Variants in NUSAP1 observed in about 807,000 individuals in gnomAD.
The protein encoded by NUSAP1 is nucleolar and spindle-associated protein 1.
Under a neutral mutation model 52.8 loss-of-function variants are expected in NUSAP1, and 32 were observed. That is an observed-to-expected ratio of 0.61 (90% CI 0.46 to 0.81). The LOEUF (loss-of-function observed/expected upper bound fraction) is 0.81. Ranked by LOEUF, NUSAP1 falls within the 40% of genes least tolerant of loss-of-function variation. NUSAP1 has a pLI of 0.00. For missense variants in NUSAP1, 499 were observed against 522.3 expected (o/e 0.96, Z 0.43); for synonymous variants, 195 against 183.1 (o/e 1.06, Z -0.52).
chr15:41,349,353 G>A (rs930292891), intron 3 of NUSAP1, 112 bp downstream of exon 3: 17 of 1,108,788 alleles, frequency 1.5e-5, no homozygotes, highest in East Asian at 7.6e-5. Flanking sequence ...TAAGGTTACT[G>A]TGTGCTGTAA....
chr15:41,380,255 T>G lies in NUSAP1; in HGVS notation c.*69T>G, dbSNP rs75613427. ...TTTCCTTTTGTAAATTTTTTTTTTT[T>G]GCTGTCATCCCCACTTTAGTCACGA... On this transcript the variant is annotated 3_prime_UTR_variant, in exon 11 of 11. Transcript: ENST00000559596. 2.8e-6 allele frequency: 3 copies of G among 1,058,978 alleles called. No homozygotes were observed. The highest frequency in any genetic ancestry group is 1.4e-6 in the Non-Finnish European group (1 of 715,568). The allele number at this position is 1,058,978 out of a possible 1,614,324, so 65.6% of individuals were successfully genotyped here.
chr15:41,335,478 TTTAG>T (rs964541662), intron 1 of NUSAP1, among the ~76,000 whole-genome samples: 7 of 137,198 alleles, frequency 5.1e-5, no homozygotes, highest in African/African-American at 1.9e-4. Context: ...ATATTTAGTA[TTTAG>T]TGTGTATTAG....
At chr15:41,354,889 G>A (rs1050686053) in intron 4 of NUSAP1, among the ~76,000 whole-genome samples, 1 of 151,098 alleles carries the variant, frequency 6.6e-6, no homozygotes, top group South Asian at 2.1e-4. Flanking sequence ...GTGTGGGGGC[G>A]GGCGCCTATA....
chr15:41,333,120 G>A (rs969796384), intron 1 of NUSAP1, 70 bp downstream of exon 1: 1 of 1,216,236 alleles, frequency 8.2e-7, no homozygotes, highest in Non-Finnish European at 1.2e-6. Context: ...GATGCGGTGC[G>A]AAGGGACCGA....
chr15:41,375,328 C>T (rs2049881437), intron 8 of NUSAP1, among the ~76,000 whole-genome samples: 1 of 152,108 alleles, frequency 6.6e-6, no homozygotes. Context: ...CAGGCATGTG[C>T]CACCACCCTG....
At chr15:41,365,784 A>C (rs2049380653) in intron 7 of NUSAP1, 195 bp downstream of exon 7, 1 of 267,702 alleles carries the variant, frequency 3.7e-6, no homozygotes, top group Non-Finnish European at 6.9e-6. Context: ...GCAGTGGCGC[A>C]ATCTCAGCTC....
chr15:41,371,755 A>C, intron 8 of NUSAP1, 71 bp downstream of exon 8: 1 of 1,489,398 alleles, frequency 6.7e-7, no homozygotes, highest in Non-Finnish European at 9.0e-7. Flanking sequence ...ATGATTAGGT[A>C]TATCTGTTTT....
intron 4 of NUSAP1, among the ~76,000 whole-genome samples, chr15:41,352,892 G>C (rs566296424): frequency 6.6e-6 from 1 of 152,122 alleles, no homozygotes; most frequent in African/African-American, 2.4e-5. Context: ...TTTGTCCTCT[G>C]AGTTGGTTTG....
At chr15:41,344,582 G>A (rs958444532) in intron 2 of NUSAP1, among the ~76,000 whole-genome samples, 1 of 151,834 alleles carries the variant, frequency 6.6e-6, no homozygotes, top group African/African-American at 2.4e-5. Flanking sequence ...AGCTTGCAGT[G>A]AGCCGAGATC....
intron 1 of NUSAP1, among the ~76,000 whole-genome samples, chr15:41,337,650 A>T (rs1015859043): frequency 2.0e-5 from 3 of 152,284 alleles, no homozygotes; most frequent in Admixed American, 1.3e-4. Context: ...TCGCCATCTT[A>T]CAAAGCTTGT....
intron 7 of NUSAP1, among the ~76,000 whole-genome samples, chr15:41,370,145 G>T (rs1388264612): frequency 2.0e-5 from 3 of 148,126 alleles, no homozygotes; most frequent in African/African-American, 5.0e-5. Context: ...ACTTTGGGAG[G>T]CCGAGACGGG....
At chr15:41,377,732 C>T (rs1160684809) in intron 10 of NUSAP1, among the ~76,000 whole-genome samples, 3 of 147,602 alleles carry the variant, frequency 2.0e-5, no homozygotes, top group African/African-American at 5.0e-5. Context: ...GGGCCAGGCA[C>T]GGTGGCTCAC....
At chr15:41,375,399 C>G (rs2049884491) in intron 8 of NUSAP1, among the ~76,000 whole-genome samples, 1 of 152,032 alleles carries the variant, frequency 6.6e-6, no homozygotes, top group African/African-American at 2.4e-5. Context: ...TGGTCTTGAA[C>G]TCCTGACCTC....
In NUSAP1 at chr15:41,371,521, A is replaced by G. The variant is rs369550214; in HGVS notation, c.849-6A>G. 35 of 1,591,822 alleles carry G rather than the reference A, an allele frequency of 2.2e-5. No individual in the cohort carries two copies. Among genetic ancestry groups the G allele is most frequent in the Non-Finnish European group, 2.9e-5 (34 of 1,173,182 alleles). On this transcript the variant is annotated splice_region_variant and splice_polypyrimidine_tract_variant and intron_variant, in intron 7 of 10. Transcript: ENST00000559596. ...CTCATGTCTTGTACTCTGCTGTCCT[A>G]TTTAGGTTTTCAGCTGCTACTAAAG...
chr15:41,362,262 T>G (rs1054574951), intron 6 of NUSAP1, among the ~76,000 whole-genome samples: 4 of 151,712 alleles, frequency 2.6e-5, no homozygotes, highest in African/African-American at 9.7e-5. Context: ...ATAAAAAGAT[T>G]GGAAAACTTG....
chr15:41,362,568 G>C (rs2049219332), intron 6 of NUSAP1, among the ~76,000 whole-genome samples: 1 of 151,408 alleles, frequency 6.6e-6, no homozygotes, highest in Non-Finnish European at 1.5e-5. Context: ...GGGACTACGG[G>C]CGCCCGCCAC....
chr15:41,344,937 T>A (rs2140566417), intron 2 of NUSAP1, among the ~76,000 whole-genome samples: 1 of 151,682 alleles, frequency 6.6e-6, no homozygotes, highest in African/African-American at 2.4e-5. Context: ...TGAGACTCCG[T>A]CTCCGAAAAA....
chr15:41,340,976 GTGGC>G (rs1189496399), intron 1 of NUSAP1, among the ~76,000 whole-genome samples: 12 of 152,298 alleles, frequency 7.9e-5, no homozygotes, highest in African/African-American at 2.6e-4. Context: ...GCCAAGCCTG[GTGGC>G]TGGGCCCACC....
At chr15:41,375,234 A>G (rs146324739) in intron 8 of NUSAP1, among the ~76,000 whole-genome samples, 2 of 145,530 alleles carry the variant, frequency 1.4e-5, no homozygotes, top group East Asian at 4.1e-4. Flanking sequence ...CTGGAGTGCA[A>G]TGGCGCAATC....
Sources: allele counts gnomAD v4.1 joint callset (sites outside exome capture counted in the v4.1 genomes callset), GRCh38; gene constraint gnomAD v4.1.1; transcripts MANE v1.5; gene names NCBI Gene and HGNC (gene_info 2026-07-23, HGNC 2026-07-21).